Variants in MINDY2 observed in about 807,000 individuals in gnomAD.
The protein encoded by MINDY2 is ubiquitin carboxyl-terminal hydrolase MINDY-2.
A neutral mutation model predicts 68.2 loss-of-function variants in MINDY2; 52 were observed. The ratio of observed to expected loss-of-function variants is 0.76; its 90% CI spans 0.61 to 0.96. MINDY2 has a LOEUF of 0.96. Ranked by LOEUF, MINDY2 falls within the 40% of genes least tolerant of loss-of-function variation. MINDY2 has a pLI of 0.00. For synonymous variants in MINDY2, 372 were observed against 303.0 expected, an observed-to-expected ratio of 1.23 and a Z score of -2.36; for missense variants, 881 against 773.4, an observed-to-expected ratio of 1.14 and a Z score of -1.65.
chr15:58,817,092 C>T (rs918437369), intron 4 of MINDY2, among the ~76,000 whole-genome samples: 4 of 152,150 alleles, frequency 2.6e-5, no homozygotes, highest in Non-Finnish European at 5.9e-5. Flanking sequence ...AACCTATTAA[C>T]TGTAAGGAAA....
chr15:58,816,094 A>G (rs1398857673), intron 4 of MINDY2, among the ~76,000 whole-genome samples: 3 of 152,246 alleles, frequency 2.0e-5, no homozygotes, highest in African/African-American at 7.2e-5. Flanking sequence ...GTAAATATTG[A>G]CTGATGGAAT....
intron 2 of MINDY2, among the ~76,000 whole-genome samples, chr15:58,801,838 G>C (rs954346352): frequency 7.2e-5 from 11 of 151,950 alleles, no homozygotes; most frequent in Non-Finnish European, 1.3e-4. Flanking sequence ...TGGCCAGGCT[G>C]AACTCCTGAC....
chr15:58,822,635 G>A (rs2031137154), intron 5 of MINDY2, among the ~76,000 whole-genome samples: 1 of 152,066 alleles, frequency 6.6e-6, no homozygotes, highest in Admixed American at 6.6e-5. Flanking sequence ...TTAGCTAACT[G>A]GAATTCCTAA....
At chr15:58,792,448 A>T (rs1902008362) in intron 2 of MINDY2, among the ~76,000 whole-genome samples, 1 of 152,180 alleles carries the variant, frequency 6.6e-6, no homozygotes, top group South Asian at 2.1e-4. Context: ...TCTACTAAGA[A>T]CATAAAAATT....
chr15:58,827,126 A>G (rs188547524), intron 5 of MINDY2, among the ~76,000 whole-genome samples: 1 of 152,360 alleles, frequency 6.6e-6, no homozygotes, highest in African/African-American at 2.4e-5. Flanking sequence ...TCGGGGGCAC[A>G]TGAGCCTGAT....
chr15:58,796,885 A>T (rs546326305), intron 2 of MINDY2, among the ~76,000 whole-genome samples: 28 of 152,254 alleles, frequency 1.8e-4, no homozygotes, highest in African/African-American at 6.7e-4. Context: ...CCTGTTTCCT[A>T]TCCAGCTCTT....
intron 1 of MINDY2, among the ~76,000 whole-genome samples, chr15:58,777,877 T>C (rs1167877772): frequency 1.3e-5 from 2 of 152,108 alleles, no homozygotes; most frequent in Admixed American, 1.3e-4. Context: ...TTATACCAGG[T>C]AAATTTATCA....
chr15:58,818,805 AATTTTTTGT>A (rs57434621), intron 4 of MINDY2, among the ~76,000 whole-genome samples: 1,927 of 151,718 alleles, frequency 0.013, 36 homozygotes, highest in African/African-American at 0.037. Flanking sequence ...ACGCCTGGCT[AATTTTTTGT>A]ATTTTTTGTA....
At position 58,771,873 on chromosome 15, in the gene MINDY2, A is replaced by C. The variant is rs749751848; in HGVS notation, c.478A>C (p.Ser160Arg). The C allele has an allele frequency of 1.3e-5, 21 of 1,579,148 alleles. No individual in the cohort carries two copies. The highest frequency in any genetic ancestry group is 4.1e-5 in the African/African-American group (3 of 73,670). ...CAGCAGCGCCGGCGGCCTCAGCAGC[A>C]GTTGCAGCGACCCGAGCCCTCCTGG... ...EPSSAGGLSS[S>R]CSDPSPPGES... Residue 160 changes from serine (S) to arginine (R), a missense_variant, in exon 1 of 9, where the codon AGT becomes CGT. Transcript: ENST00000559228.
chr15:58,792,311 G>A (rs1350205247), intron 2 of MINDY2, among the ~76,000 whole-genome samples: 1 of 152,222 alleles, frequency 6.6e-6, no homozygotes, highest in Non-Finnish European at 1.5e-5. Context: ...CATACAGCTT[G>A]TATAAAAATG....
chr15:58,791,620 ATATGTGTGTGTGTGTGTGTG>A (rs1443236522), intron 2 of MINDY2, among the ~76,000 whole-genome samples: 3 of 80,788 alleles, frequency 3.7e-5, no homozygotes, highest in Admixed American at 1.5e-4. Context: ...CTGTCTCAAA[ATATGTGTGTGTGTGTGTGTG>A]TGTGTGTGTG....
chr15:58,824,949 C>CAT (rs1431023464), intron 5 of MINDY2, among the ~76,000 whole-genome samples: 1 of 152,186 alleles, frequency 6.6e-6, no homozygotes, highest in Non-Finnish European at 1.5e-5. Flanking sequence ...CAACTACAGG[C>CAT]ATAAGCCACC....
intron 6 of MINDY2, among the ~76,000 whole-genome samples, chr15:58,833,849 T>G (rs2031863857): frequency 1.3e-5 from 2 of 151,898 alleles, no homozygotes; most frequent in South Asian, 4.2e-4. Flanking sequence ...TCCTTCCTCT[T>G]TTACTAATCT....
chr15:58,846,108 G>GA (rs1299986064), intron 6 of MINDY2, among the ~76,000 whole-genome samples: 6 of 135,902 alleles, frequency 4.4e-5, no homozygotes, highest in Non-Finnish European at 9.6e-5. Context: ...AAAAAAAAAA[G>GA]AAAAAACAGA....
chr15:58,854,483 A>G lies in MINDY2; in HGVS notation c.1739A>G (p.Gln580Arg), dbSNP rs1595790674. ...AAAAASTQAQ[Q>R]GQPAQASPSS... ...TCTTGCTGTATATTTTTCTTAAAGC[A>G]GGGCCAGCCAGCACAAGCCTCTCCA... Residue 580 changes from glutamine (Q) to arginine (R), a missense_variant and splice_region_variant, in exon 9 of 9, where the codon CAG becomes CGG. Transcript: ENST00000559228. The G allele has an allele frequency of 6.2e-7, 1 of 1,609,474 alleles. No homozygotes were observed. Among genetic ancestry groups the G allele is most frequent in the Non-Finnish European group, 8.5e-7 (1 of 1,178,536 alleles).
At chr15:58,808,257 G>A (rs1480899871) in intron 3 of MINDY2, among the ~76,000 whole-genome samples, 1 of 152,038 alleles carries the variant, frequency 6.6e-6, no homozygotes, top group Non-Finnish European at 1.5e-5. Context: ...ACTCTTTCTT[G>A]GTTCTGTATA....
chr15:58,786,141 G>A (rs1242915548), intron 1 of MINDY2, among the ~76,000 whole-genome samples: 2 of 152,082 alleles, frequency 1.3e-5, no homozygotes, highest in African/African-American at 4.8e-5. Flanking sequence ...CTGTTTTATA[G>A]GGATCTTTTT....
intron 6 of MINDY2, among the ~76,000 whole-genome samples, chr15:58,845,856 A>T (rs748816856): frequency 6.6e-6 from 1 of 152,248 alleles, no homozygotes; most frequent in African/African-American, 2.4e-5. Flanking sequence ...ACGGAGCACT[A>T]TTCACACACA....
At chr15:58,796,579 C>T (rs1369513055) in intron 2 of MINDY2, among the ~76,000 whole-genome samples, 1 of 152,210 alleles carries the variant, frequency 6.6e-6, no homozygotes, top group Non-Finnish European at 1.5e-5. Context: ...AGCTGGAGTG[C>T]AGTGGCACGA....
Sources: gnomAD v4.1 joint callset for allele counts (sites outside exome capture counted in the v4.1 genomes callset) on GRCh38, gnomAD v4.1.1 for gene constraint, MANE v1.5 for transcripts, NCBI Gene and HGNC (gene_info 2026-07-23, HGNC 2026-07-21) for gene names.